The following ZBTB25 variants were observed in gnomAD, a reference collection of about 807,000 sequenced individuals.
The protein encoded by ZBTB25 is zinc finger and BTB domain-containing protein 25.
A neutral mutation model predicts 34.2 loss-of-function variants in ZBTB25; 20 were observed. The ratio of observed to expected loss-of-function variants is 0.58; its 90% CI spans 0.41 to 0.85. The LOEUF (loss-of-function observed/expected upper bound fraction) is 0.85. ZBTB25 is among the 40% of genes least tolerant of loss of function. The probability of loss-of-function intolerance (pLI) is 0.00; values close to 1 mark genes in which losing one functional copy is unlikely to be tolerated. For synonymous variants in ZBTB25, 175 were observed against 186.4 expected, an observed-to-expected ratio of 0.94 and a Z score of 0.50; for missense variants, 437 against 521.8, an observed-to-expected ratio of 0.84 and a Z score of 1.58.
At chr14:64,495,123 A>T (rs536650434) in intron 1 of ZBTB25, among the ~76,000 whole-genome samples, 1 of 152,210 alleles carries the variant, frequency 6.6e-6, no homozygotes, top group African/African-American at 2.4e-5. Context: ...GTCAGTCTCC[A>T]CTGATTAGGG....
At position 64,487,904 on chromosome 14, in the gene ZBTB25, G is replaced by A. The variant is rs376463860; in HGVS notation, c.327C>T (p.His109=). 6 of 1,614,078 alleles carry A rather than the reference G, an allele frequency of 3.7e-6. 1 individual carries two copies. The highest frequency in any genetic ancestry group is 5.1e-6 in the Non-Finnish European group (6 of 1,180,044). The change falls in exon 3 of 3, where the codon CAC becomes CAT. Residue 109 remains histidine, a synonymous_variant. Transcript: ENST00000608382. ...ACACTTGATTCATTTCAGTTGCAATGTGAGAAAGGTAGTCGGCGTGAAGAA... is the reference window on the plus strand; with the variant it reads ...ACACTTGATTCATTTCAGTTGCAATATGAGAAAGGTAGTCGGCGTGAAGAA... ...IRFLHADYLS[H]IATEMNQVFS...
rs1045296333 is a variant in ZBTB25 at position 64,478,705 on chromosome 14, C to T, written c.*8218G>A. 2.0e-5 allele frequency: 3 copies of T among 152,154 alleles called. No homozygotes were observed. The highest frequency in any genetic ancestry group is 6.5e-5 in the Admixed American group (1 of 15,276). The allele number at this position is 152,154 out of a possible 1,614,324, so 9.4% of individuals were successfully genotyped here. On this transcript the variant is annotated 3_prime_UTR_variant, in exon 3 of 3. Coordinates refer to ENST00000608382, the MANE Select transcript of ZBTB25 (RefSeq NM_006977.5). Reference sequence around the variant, plus strand: ...AAGCATCTTGATTAAAGAGGGATGTCAAGATATTGCAGTACCTTATGAAAT... The same window carrying T: ...AAGCATCTTGATTAAAGAGGGATGTTAAGATATTGCAGTACCTTATGAAAT...
At chr14:64,469,724 T>A in intron 2 of ZBTB25, 75 of 1,032,108 alleles carry the variant, frequency 7.3e-5, no homozygotes, top group Non-Finnish European at 1.0e-4. Context: ...TAATGAAGAA[T>A]TCTTTTATAC....
chr14:64,458,968 C>A (rs1439431684), intron 2 of ZBTB25, among the ~76,000 whole-genome samples: 1 of 152,146 alleles, frequency 6.6e-6, no homozygotes, highest in Non-Finnish European at 1.5e-5. Context: ...ACATGAAAAT[C>A]CTAACATCTT....
In ZBTB25 at chr14:64,492,217, A is replaced by ATTATTG. The variant is rs2079107351; in HGVS notation, c.-7-1678_-7-1677insCAATAA. 4.1e-5 allele frequency among the ~76,000 whole-genome samples: 6 copies of ATTATTG among 147,848 alleles called. No individual in the cohort carries two copies. In the South Asian group the frequency reaches 6.4e-4, roughly 16 times the overall value. ...AAGTTATATTATTATTATTATTATT[A>ATTATTG]TTATTTGAGACGGAGTTTTGCTCTT... On this transcript the variant is annotated intron_variant, in intron 1 of 2. Transcript: ENST00000608382.
At chr14:64,462,947 G>A (rs1360787995) in intron 2 of ZBTB25, 1 of 152,100 alleles carries the variant, frequency 6.6e-6, no homozygotes, top group African/African-American at 2.4e-5. Context: ...AGATCAAGAT[G>A]GGATAAATGG....
In ZBTB25 at chr14:64,480,990, T is replaced by A. The variant is rs374941487; in HGVS notation, c.*5933A>T. On this transcript the variant is annotated 3_prime_UTR_variant, in exon 3 of 3. Transcript: ENST00000608382. ...CTCTGTCGCCCAGGCTGGAGTGCAATGGCGCAATCTCGGCTCACTGCAACC... is the reference window on the plus strand; with the variant it reads ...CTCTGTCGCCCAGGCTGGAGTGCAAAGGCGCAATCTCGGCTCACTGCAACC... 4 of 149,898 alleles carry A rather than the reference T, an allele frequency of 2.7e-5. No individual in the cohort carries two copies. The highest frequency in any genetic ancestry group is 9.9e-5 in the African/African-American group (4 of 40,434). 9.3% of individuals were successfully genotyped at this position (149,898 alleles called of 1,614,324 possible). A position where few individuals can be genotyped will look rare whatever the true frequency, so the allele number is the denominator to read the frequency against.
intron 2 of ZBTB25, among the ~76,000 whole-genome samples, chr14:64,466,663 T>C (rs900722714): frequency 6.6e-6 from 1 of 152,204 alleles, no homozygotes; most frequent in African/African-American, 2.4e-5. Flanking sequence ...CAACCTAAGA[T>C]AATATTTACT....
chr14:64,449,693 T>A (rs2078339556), intron 2 of ZBTB25: 1 of 1,527,214 alleles, frequency 6.5e-7, no homozygotes, highest in Non-Finnish European at 8.9e-7. Context: ...GTGTGGCTAC[T>A]TCTATTAGAG....
chr14:64,475,400 T>C (rs995637525), downstream of ZBTB25, among the ~76,000 whole-genome samples: 4 of 151,654 alleles, frequency 2.6e-5, no homozygotes, highest in African/African-American at 9.7e-5. Context: ...CATCATGCCA[T>C]TGCACTCCAG....
At chr14:64,503,042 T>C (rs2079549454) in intron 1 of ZBTB25, 4 of 985,454 alleles carry the variant, frequency 4.1e-6, no homozygotes, top group Non-Finnish European at 4.8e-6. Context: ...GGTACTACGT[T>C]GTGCTATGCG....
intron 2 of ZBTB25, among the ~76,000 whole-genome samples, chr14:64,464,885 G>C (rs2078593976): frequency 6.6e-6 from 1 of 152,194 alleles, no homozygotes; most frequent in South Asian, 2.1e-4. Flanking sequence ...CCAAAGTTCT[G>C]CACCAATCAC....
Position 64,503,421 on chromosome 14 carries a change from G to A in ZBTB25, c.-8+240C>T, listed in dbSNP as rs1367039110. 6 of 985,340 alleles carry A rather than the reference G, an allele frequency of 6.1e-6. No homozygotes were observed. The African/African-American group carries it at 7.0e-5, about 11-fold the overall frequency. 61.0% of individuals were successfully genotyped at this position (985,340 alleles called of 1,614,324 possible). A position where few individuals can be genotyped will look rare whatever the true frequency, so the allele number is the denominator to read the frequency against. On this transcript the variant is annotated intron_variant, in intron 1 of 2. Transcript: ENST00000608382. ...CGTGTGCCACCCTGAATCAGGCCCC[G>A]GCAGCCGCTCCTACGAGCAGCAAAG...
chr14:64,459,300 A>G (rs955389628), intron 2 of ZBTB25, among the ~76,000 whole-genome samples: 4 of 152,246 alleles, frequency 2.6e-5, no homozygotes, highest in African/African-American at 9.6e-5. Context: ...GGGCATTCTG[A>G]TAACCATGCA....
chr14:64,495,298 A>C (rs1444974317), intron 1 of ZBTB25, among the ~76,000 whole-genome samples: 1 of 152,208 alleles, frequency 6.6e-6, no homozygotes, highest in African/African-American at 2.4e-5. Context: ...AGCAGCTGAA[A>C]TCTCTGCTCC....
At chr14:64,477,586 C>T (rs940551265), downstream of ZBTB25, among the ~76,000 whole-genome samples, 1 of 152,174 alleles carries the variant, frequency 6.6e-6, no homozygotes. Context: ...ATTTTAAAAC[C>T]TCTTCCCTTG....
chr14:64,468,371 AGAG>A, intron 2 of ZBTB25: 1 of 1,553,806 alleles, frequency 6.4e-7, no homozygotes, highest in Non-Finnish European at 8.7e-7. Context: ...ACAGTTTTCT[AGAG>A]AATAAGAGTG....
At chr14:64,493,522 T>A (rs1202488252) in intron 1 of ZBTB25, among the ~76,000 whole-genome samples, 1 of 152,022 alleles carries the variant, frequency 6.6e-6, no homozygotes, top group African/African-American at 2.4e-5. Context: ...CAGCAACATA[T>A]AAAAAATATT....
intron 1 of ZBTB25, among the ~76,000 whole-genome samples, chr14:64,496,600 T>C (rs984395933): frequency 1.3e-5 from 2 of 152,228 alleles, no homozygotes; most frequent in African/African-American, 4.8e-5. Context: ...AAAATAGCAA[T>C]AAACCCATTA....
Sources: allele counts gnomAD v4.1 joint callset (sites outside exome capture counted in the v4.1 genomes callset), GRCh38; gene constraint gnomAD v4.1.1; transcripts MANE v1.5; gene names NCBI Gene and HGNC (gene_info 2026-07-23, HGNC 2026-07-21).